FBP1: variants seen among roughly 807,000 people sequenced by gnomAD.
FBP1 encodes the protein fructose-bisphosphatase 1.
Under a neutral mutation model 29.9 loss-of-function variants are expected in FBP1, and 22 were observed. The observed-to-expected ratio is 0.74, with a 90% CI of 0.53 to 1.05. FBP1 has a LOEUF of 1.05. FBP1 is among the 50% of genes least tolerant of loss of function. The pLI is 0.00. For missense variants in FBP1, 345 were observed against 448.2 expected, an observed-to-expected ratio of 0.77 and a Z score of 2.08; for synonymous variants, 175 against 178.6, an observed-to-expected ratio of 0.98 and a Z score of 0.16.
At chr9:94,634,488 T>C (rs1380085138) in intron 1 of FBP1, among the ~76,000 whole-genome samples, 6 of 152,130 alleles carry the variant, frequency 3.9e-5, no homozygotes, top group Non-Finnish European at 8.8e-5. Flanking sequence ...GATTTGGAAA[T>C]GGATACAAAG....
rs1354883530 is a variant in FBP1, at chr9:94,606,839, G to A, written c.681C>T (p.Tyr227=). 2.5e-6 allele frequency: 4 copies of A among 1,613,858 alleles called. No homozygotes were observed. The highest frequency in any genetic ancestry group is 3.4e-6 in the Non-Finnish European group (4 of 1,179,866). Residue 227 remains tyrosine (Y), a synonymous_variant, in exon 5 of 7, where the codon TAC becomes TAT. Transcript: ENST00000375326. ...CTGGGGGGAACTTCTTCCTCTGGAT[G>A]TACTCAGTGACGGCAGGGTCAAAGT... is the stretch of plus-strand genomic sequence containing the variant. ...ARDFDPAVTE[Y]IQRKKFPPDN...
Position 94,604,028 on chromosome 9 carries a change from A to T in FBP1, c.826-456T>A, listed in dbSNP as rs1020900062. ...CAGACCGGCTCCTCCAAACAGTGTG[A>T]TATTGTTTGCAACTCTGTGTGCATT... On this transcript the variant is annotated intron_variant, in intron 6 of 6. Coordinates refer to ENST00000375326, the MANE Select transcript of FBP1 (RefSeq NM_000507.4). 6 of 267,836 alleles carry T rather than the reference A, an allele frequency of 2.2e-5. No individual in the cohort carries two copies. The East Asian group carries it at 5.4e-4, about 24-fold the overall frequency. The allele number at this position is 267,836 out of a possible 1,614,324, so 16.6% of individuals were successfully genotyped here. A position where few individuals can be genotyped will look rare whatever the true frequency, so the allele number is the denominator to read the frequency against.
rs1460635775 is a variant in FBP1 at position 94,617,977 on chromosome 9, A to G, written c.334-117T>C. On this transcript the variant is annotated intron_variant, in intron 2 of 6. Transcript: ENST00000375326. Reference sequence around the variant, plus strand: ...AGAAAGTTCAAAAAATGTGGGTCTTATTTATTTGTACTGTCATGGAAGGCA... The same window carrying G: ...AGAAAGTTCAAAAAATGTGGGTCTTGTTTATTTGTACTGTCATGGAAGGCA... The G allele has an allele frequency of 1.3e-5, 10 of 768,246 alleles. 1 individual carries two copies. The highest frequency in any genetic ancestry group is 1.2e-4 in the South Asian group (8 of 67,310). The allele number at this position is 768,246 out of a possible 1,614,324, so 47.6% of individuals were successfully genotyped here.
intron 6 of FBP1, among the ~76,000 whole-genome samples, chr9:94,604,367 G>C (rs28369773): frequency 0.038 from 5,783 of 152,144 alleles, 345 homozygotes; most frequent in African/African-American, 0.13. Context: ...CTGGATGATG[G>C]TTTCAGTAAA....
At chr9:94,623,066 C>T (rs1389427358) in intron 1 of FBP1, among the ~76,000 whole-genome samples, 1 of 152,034 alleles carries the variant, frequency 6.6e-6, no homozygotes, top group Non-Finnish European at 1.5e-5. Context: ...CTCACTGCAA[C>T]CTCCGCCTCC....
Position 94,625,278 on chromosome 9 carries a change from G to A in FBP1, c.171-4787C>T, listed in dbSNP as rs573962300. ...AGATGGCTCCTACCCTTGGCACACA[G>A]AGGAACCAACACAGAGAAGCTGAGG... On this transcript the variant is annotated intron_variant, in intron 1 of 6. Coordinates refer to ENST00000375326, the MANE Select transcript of FBP1 (RefSeq NM_000507.4). Among the ~76,000 whole-genome samples the A allele has an allele frequency of 1.3e-3, 199 of 152,138 alleles. 1 individual carries two copies. The highest frequency in any genetic ancestry group is 4.5e-3 in the African/African-American group (189 of 41,576).
At chr9:94,612,559 T>C (rs2131479970) in intron 3 of FBP1, among the ~76,000 whole-genome samples, 1 of 144,548 alleles carries the variant, frequency 6.9e-6, no homozygotes, top group African/African-American at 2.6e-5. Context: ...ATTTTTTTTT[T>C]TTTTTTTTTT....
intron 3 of FBP1, among the ~76,000 whole-genome samples, chr9:94,615,350 C>G (rs1484170923): frequency 6.6e-6 from 1 of 151,796 alleles, no homozygotes; most frequent in Non-Finnish European, 1.5e-5. Context: ...GCCAATGTCT[C>G]TCAATTTCCC....
intron 1 of FBP1, among the ~76,000 whole-genome samples, chr9:94,628,346 A>G (rs1828054258): frequency 6.7e-6 from 1 of 148,430 alleles, no homozygotes; most frequent in Admixed American, 6.9e-5. Flanking sequence ...AGGTCACACC[A>G]CTGCACTCTA....
intron 1 of FBP1, among the ~76,000 whole-genome samples, chr9:94,629,233 G>C (rs748563777): frequency 2.0e-5 from 3 of 152,256 alleles, no homozygotes; most frequent in Non-Finnish European, 4.4e-5. Flanking sequence ...GCCCATCTTG[G>C]CCTCCCAAAG....
At chr9:94,607,074 A>C (rs1260098448) in intron 4 of FBP1, 122 bp from the exon 5 acceptor site, 1 of 1,334,806 alleles carries the variant, frequency 7.5e-7, no homozygotes. Flanking sequence ...GGCACCACTC[A>C]TCTTGGGGCC....
intron 1 of FBP1, among the ~76,000 whole-genome samples, chr9:94,637,391 T>A (rs1348499650): frequency 6.9e-6 from 1 of 144,402 alleles, no homozygotes; most frequent in African/African-American, 2.6e-5. Flanking sequence ...GCTCTGAGCA[T>A]CATGCGTCTT....
In FBP1 at chr9:94,604,835, G is replaced by A. The variant is rs900490190; in HGVS notation, c.825+622C>T. Among the ~76,000 whole-genome samples, 4 of 152,268 alleles carry A rather than the reference G, an allele frequency of 2.6e-5. No individual in the cohort carries two copies. In the South Asian group the frequency reaches 6.2e-4, roughly 24 times the overall value. On this transcript the variant is annotated intron_variant, in intron 6 of 6. Coordinates refer to ENST00000375326, the MANE Select transcript of FBP1 (RefSeq NM_000507.4). ...TAAGAAGGACACAATACTTGGGAAG[G>A]AAGCACACTGTCACCCTGGCAGAAG...
intron 3 of FBP1, among the ~76,000 whole-genome samples, 187 bp from the exon 4 acceptor site, chr9:94,610,248 C>T (rs1202302685): frequency 6.6e-6 from 1 of 152,220 alleles, no homozygotes; most frequent in Non-Finnish European, 1.5e-5. Flanking sequence ...CCCACCAGAA[C>T]CCAGATTTCC....
At chr9:94,607,284 G>GT (rs1398706148) in intron 4 of FBP1, among the ~76,000 whole-genome samples, 1 of 152,192 alleles carries the variant, frequency 6.6e-6, no homozygotes, top group African/African-American at 2.4e-5. Context: ...AGTAAGAACC[G>GT]TGTGTCCAAA....
In FBP1 at chr9:94,611,343, C is replaced by T. The variant is rs978582561; in HGVS notation, c.427-1282G>A. Among the ~76,000 whole-genome samples the T allele has an allele frequency of 3.9e-5, 6 of 152,296 alleles. No individual in the cohort carries two copies. In the South Asian group the frequency reaches 8.3e-4, roughly 21 times the overall value. On this transcript the variant is annotated intron_variant, in intron 3 of 6. Transcript: ENST00000375326. ...AGCGTAAGCAGGGGCATCTGTATCA[C>T]GCAGCTGGAGAAGGAAGTCATCCCA... is the stretch of plus-strand genomic sequence containing the variant.
At chr9:94,628,762 T>C (rs1241435977) in intron 1 of FBP1, among the ~76,000 whole-genome samples, 1 of 152,168 alleles carries the variant, frequency 6.6e-6, no homozygotes, top group Non-Finnish European at 1.5e-5. Flanking sequence ...GCTTTTAAAT[T>C]GCACTGTTCC....
chr9:94,618,100 T>G (rs1827890622), intron 2 of FBP1, among the ~76,000 whole-genome samples: 1 of 152,178 alleles, frequency 6.6e-6, no homozygotes, highest in African/African-American at 2.4e-5. Flanking sequence ...GGTAATGGAA[T>G]ACAGATAAGT....
intron 1 of FBP1, among the ~76,000 whole-genome samples, chr9:94,629,218 G>A (rs915655707): frequency 3.3e-5 from 5 of 152,112 alleles, no homozygotes; most frequent in African/African-American, 9.7e-5. Flanking sequence ...CTGACCCCAC[G>A]ATCCGCCCAT....
Sources: allele counts gnomAD v4.1 joint callset (sites outside exome capture counted in the v4.1 genomes callset), GRCh38; gene constraint gnomAD v4.1.1; transcripts MANE v1.5; gene names NCBI Gene and HGNC (gene_info 2026-07-23, HGNC 2026-07-21).